Variants in PCDH9 observed in about 807,000 individuals in gnomAD.
PCDH9 encodes the protein protocadherin 9, also known as protocadherin-9.
Under a neutral mutation model 70.6 loss-of-function variants are expected in PCDH9, and 24 were observed. The observed-to-expected ratio is 0.34, with a 90% confidence interval of 0.25 to 0.48. The LOEUF is 0.48. PCDH9 is among the 20% of genes least tolerant of loss of function. The pLI, the probability that PCDH9 is intolerant of heterozygous loss-of-function variation, is 0.99. For missense variants in PCDH9, 1,281 were observed against 1,503.6 expected (o/e 0.85, Z 2.45); for synonymous variants, 562 against 558.5 (o/e 1.01, Z -0.09).
At chr13:66,325,716 A>G (rs931506168) in intron 4 of PCDH9, among the ~76,000 whole-genome samples, 1 of 151,344 alleles carries the variant, frequency 6.6e-6, no homozygotes, top group Admixed American at 6.6e-5. Flanking sequence ...CCAAGCATAC[A>G]TCAATGGGAG....
chr13:66,833,408 C>T (rs1400763971), intron 3 of PCDH9, among the ~76,000 whole-genome samples: 1 of 152,110 alleles, frequency 6.6e-6, no homozygotes, highest in African/African-American at 2.4e-5. Context: ...CCATACATTT[C>T]ATTTGATCCT....
At chr13:66,811,530 T>A (rs990994014) in intron 3 of PCDH9, among the ~76,000 whole-genome samples, 1 of 152,174 alleles carries the variant, frequency 6.6e-6, no homozygotes, top group African/African-American at 2.4e-5. Context: ...GGAAAAAGTT[T>A]TGCTCACTGG....
chr13:67,130,341 A>G (rs1398884936), intron 2 of PCDH9, among the ~76,000 whole-genome samples: 7 of 152,220 alleles, frequency 4.6e-5, no homozygotes, highest in Non-Finnish European at 1.5e-5. Context: ...ACTATCATAT[A>G]TAACATACAT....
At chr13:66,861,395 C>T (rs1278461997) in intron 3 of PCDH9, among the ~76,000 whole-genome samples, 2 of 152,142 alleles carry the variant, frequency 1.3e-5, no homozygotes, top group Non-Finnish European at 2.9e-5. Context: ...CATCAGAAAA[C>T]AGAGAAATAT....
At chr13:66,595,002 A>C (rs1169004526) in intron 4 of PCDH9, among the ~76,000 whole-genome samples, 5 of 145,036 alleles carry the variant, frequency 3.4e-5, no homozygotes, top group East Asian at 1.9e-4. Context: ...AAAAAAAAAA[A>C]AAAACTTAAA....
At chr13:67,118,581 G>A (rs1418501936) in intron 2 of PCDH9, among the ~76,000 whole-genome samples, 4 of 152,120 alleles carry the variant, frequency 2.6e-5, no homozygotes, top group Non-Finnish European at 5.9e-5. Context: ...TTCTTTGTCT[G>A]TGGAAGATCT....
chr13:66,495,577 A>AATACATACATACATAC lies in PCDH9; in HGVS notation c.3340+135617_3340+135632dup, dbSNP rs542362281. Among the ~76,000 whole-genome samples the AATACATACATACATAC allele has an allele frequency of 5.4e-3, 815 of 151,040 alleles. 31 individuals carry two copies. In the East Asian group the frequency reaches 0.09, roughly 17 times the overall value. On this transcript the variant is annotated intron_variant, in intron 4 of 4. Transcript: ENST00000377865. ...CCATTCAATGTTTACTTGCAAAATAAATACATACATACATACATACATACC... is the reference window on the plus strand; with the variant it reads ...CCATTCAATGTTTACTTGCAAAATAAATACATACATACATACATACATACATACATACATACATACC...
Position 67,191,821 on chromosome 13 carries a change from T to C in PCDH9, c.3036+33584A>G, listed in dbSNP as rs566861822. ...CTCTGCTAATCCTCTTTCAAGAAAC[T>C]GTATGAAAGAAAGAAATTGAACTAA... On this transcript the variant is annotated intron_variant, in intron 2 of 4. Transcript: ENST00000377865. 3.1e-4 allele frequency among the ~76,000 whole-genome samples: 47 copies of C among 152,260 alleles called. No homozygotes were observed. In the South Asian group the frequency reaches 9.5e-3, roughly 31 times the overall value.
chr13:66,644,745 A>G (rs1003769660), intron 3 of PCDH9, among the ~76,000 whole-genome samples: 5 of 151,976 alleles, frequency 3.3e-5, no homozygotes, highest in African/African-American at 9.7e-5. Context: ...GTGGTCCTCA[A>G]TTGTCCTCGG....
At chr13:66,708,291 C>T (rs977317231) in intron 3 of PCDH9, among the ~76,000 whole-genome samples, 14 of 152,002 alleles carry the variant, frequency 9.2e-5, no homozygotes, top group Admixed American at 9.2e-4. Context: ...TCTCGTGATC[C>T]GCCCGCCTCG....
intron 2 of PCDH9, among the ~76,000 whole-genome samples, chr13:67,069,579 C>T (rs977110056): frequency 1.3e-5 from 2 of 152,166 alleles, no homozygotes; most frequent in Admixed American, 6.6e-5. Context: ...TTAATTCCCT[C>T]CTGCTTCCCA....
At chr13:67,154,706 T>C (rs866682579) in intron 2 of PCDH9, among the ~76,000 whole-genome samples, 1 of 92,164 alleles carries the variant, frequency 1.1e-5, no homozygotes, top group African/African-American at 3.8e-5. Flanking sequence ...ATCTGTAATC[T>C]TTTTTTTTTT....
At chr13:66,665,964 A>AGATTTCT (rs2078091222) in intron 3 of PCDH9, among the ~76,000 whole-genome samples, 1 of 152,192 alleles carries the variant, frequency 6.6e-6, no homozygotes, top group Non-Finnish European at 1.5e-5. Flanking sequence ...ATCAAGCCAA[A>AGATTTCT]GATTTCTCCT....
At chr13:67,050,346 T>G (rs556322698) in intron 2 of PCDH9, among the ~76,000 whole-genome samples, 42 of 152,302 alleles carry the variant, frequency 2.8e-4, no homozygotes, top group African/African-American at 1.0e-3. Context: ...TAATGAAAAC[T>G]GGTGATCCCA....
chr13:66,510,500 T>C (rs1246805484), intron 4 of PCDH9, among the ~76,000 whole-genome samples: 2 of 152,156 alleles, frequency 1.3e-5, no homozygotes, highest in African/African-American at 2.4e-5. Flanking sequence ...CCTAATGCTA[T>C]CTGTCCCTCC....
At chr13:66,695,840 G>A (rs1001871485) in intron 3 of PCDH9, among the ~76,000 whole-genome samples, 1 of 152,130 alleles carries the variant, frequency 6.6e-6, no homozygotes, top group African/African-American at 2.4e-5. Context: ...AAGGGGATTA[G>A]GTTTTGTCCT....
At chr13:66,901,730 G>A (rs1010742527) in intron 3 of PCDH9, among the ~76,000 whole-genome samples, 6 of 151,282 alleles carry the variant, frequency 4.0e-5, no homozygotes, top group African/African-American at 1.5e-4. Flanking sequence ...AAATATCTAA[G>A]GGAGAAAAAA....
intron 3 of PCDH9, among the ~76,000 whole-genome samples, chr13:66,810,799 A>G (rs2080490546): frequency 6.6e-6 from 1 of 151,860 alleles, no homozygotes; most frequent in Non-Finnish European, 1.5e-5. Context: ...AAGCTTAAGA[A>G]AAAGATGTAT....
chr13:67,091,280 T>A (rs552262527), intron 2 of PCDH9, among the ~76,000 whole-genome samples: 3 of 152,108 alleles, frequency 2.0e-5, no homozygotes, highest in Non-Finnish European at 4.4e-5. Flanking sequence ...AAAAGAGAAA[T>A]TCAAAATAAA....
Sources: allele counts gnomAD v4.1 joint callset (sites outside exome capture counted in the v4.1 genomes callset), GRCh38; gene constraint gnomAD v4.1.1; transcripts MANE v1.5; gene names NCBI Gene and HGNC (gene_info 2026-07-23, HGNC 2026-07-21).